Variants in PLCXD3 observed in about 807,000 individuals in gnomAD.
PLCXD3 encodes the protein PI-PLC X domain-containing protein 3.
Under a neutral mutation model 25.5 loss-of-function variants are expected in PLCXD3, and 19 were observed. That is an observed-to-expected ratio of 0.75 (90% CI 0.52 to 1.09). The LOEUF is 1.09. Among genes scored for constraint, PLCXD3 ranks in the 50% least tolerant of loss-of-function variants. The pLI is 0.00. For synonymous variants in PLCXD3, 174 were observed against 137.6 expected (o/e 1.26, Z -1.85); for missense variants, 411 against 388.1 (o/e 1.06, Z -0.50).
intron 1 of PLCXD3, among the ~76,000 whole-genome samples, chr5:41,480,754 C>G (rs1429180988): frequency 1.3e-5 from 2 of 151,946 alleles, no homozygotes; most frequent in African/African-American, 2.4e-5. Context: ...AACCCCGTCT[C>G]TACTAAAAAT....
intron 2 of PLCXD3, among the ~76,000 whole-genome samples, chr5:41,336,710 A>G (rs1743991734): frequency 6.6e-6 from 1 of 152,174 alleles, no homozygotes; most frequent in African/African-American, 2.4e-5. Context: ...TCTTTGGAAT[A>G]ACTTGCATGC....
intron 1 of PLCXD3, among the ~76,000 whole-genome samples, chr5:41,489,496 C>T (rs369601738): frequency 6.6e-6 from 1 of 152,048 alleles, no homozygotes; most frequent in African/African-American, 2.4e-5. Flanking sequence ...TGGGGATGGC[C>T]TTGAATCTGT....
At chr5:41,509,116 G>C (rs1738957780) in intron 1 of PLCXD3, among the ~76,000 whole-genome samples, 1 of 152,180 alleles carries the variant, frequency 6.6e-6, no homozygotes, top group South Asian at 2.1e-4. Context: ...AGCACTCTTG[G>C]TTGGAGCATC....
intron 2 of PLCXD3, among the ~76,000 whole-genome samples, chr5:41,330,342 C>T (rs1331993251): frequency 6.6e-6 from 1 of 152,140 alleles, no homozygotes; most frequent in Non-Finnish European, 1.5e-5. Context: ...ACTAGAAAAT[C>T]AAGAAGAAAT....
Position 41,381,736 on chromosome 5 carries a change from T to C in PLCXD3, c.812+90A>G. On this transcript the variant is annotated intron_variant, in intron 2 of 2. Transcript: ENST00000377801. ...TGCAGCCCCAGGGACCTAATATACA[T>C]AGGTATAATTTCAGCTTCATCACTT... 19 of 1,223,762 alleles carry C rather than the reference T, an allele frequency of 1.6e-5. No individual in the cohort carries two copies. In the South Asian group the frequency reaches 2.9e-4, roughly 19 times the overall value. 75.8% of individuals were successfully genotyped at this position (1,223,762 alleles called of 1,614,324 possible).
Position 41,448,034 on chromosome 5 carries a change from TCTCAGG to T in PLCXD3, c.103+62384_103+62389del, listed in dbSNP as rs544636151. Among the ~76,000 whole-genome samples the T allele has an allele frequency of 1.5e-4, 23 of 152,338 alleles. No individual in the cohort carries two copies. The South Asian group carries it at 4.8e-3, about 32-fold the overall frequency. ...AGAAGGAGGAAAGAGAGAAGCCTATTCTCAGGCTCTGGTGCAGCTGTAACTGAAAGC... is the reference window on the plus strand; with the variant it reads ...AGAAGGAGGAAAGAGAGAAGCCTATTCTCTGGTGCAGCTGTAACTGAAAGC... On this transcript the variant is annotated intron_variant, in intron 1 of 2. Coordinates refer to ENST00000377801, the MANE Select transcript of PLCXD3 (RefSeq NM_001005473.3).
intron 2 of PLCXD3, among the ~76,000 whole-genome samples, chr5:41,365,710 C>T (rs1405057531): frequency 1.3e-5 from 2 of 152,124 alleles, no homozygotes; most frequent in African/African-American, 4.8e-5. Context: ...AAAGTCATAC[C>T]ATAAATACCA....
At chr5:41,476,653 C>T (rs531652525) in intron 1 of PLCXD3, among the ~76,000 whole-genome samples, 66 of 152,228 alleles carry the variant, frequency 4.3e-4, no homozygotes, top group African/African-American at 1.5e-3. Context: ...TTTTTTCCCC[C>T]TGATTTTTCT....
intron 1 of PLCXD3, among the ~76,000 whole-genome samples, chr5:41,466,113 G>A (rs1748012938): frequency 6.6e-6 from 1 of 152,044 alleles, no homozygotes; most frequent in African/African-American, 2.4e-5. Context: ...CTCCTGAAGT[G>A]TTGTAGTCTC....
chr5:41,387,871 C>T (rs1038849322), intron 1 of PLCXD3, among the ~76,000 whole-genome samples: 1 of 152,014 alleles, frequency 6.6e-6, no homozygotes, highest in Non-Finnish European at 1.5e-5. Flanking sequence ...AATTATAATA[C>T]ATTTTGGTAA....
chr5:41,343,765 C>T (rs1424132112), intron 2 of PLCXD3, among the ~76,000 whole-genome samples: 7 of 152,050 alleles, frequency 4.6e-5, no homozygotes, highest in African/African-American at 9.7e-5. Flanking sequence ...TTAATGAAAA[C>T]GTGGTTTAAT....
rs1017587869 is a variant in PLCXD3 at position 41,313,881 on chromosome 5, G to T, written c.813-111C>A. The stretch of plus-strand genomic sequence containing the variant: ...TAGCTTATTAAAATAAATGTTTCAC[G>T]TATAGGTACAGGAAGGGGAAAAGGC... On this transcript the variant is annotated intron_variant, in intron 2 of 2. Coordinates refer to ENST00000377801, the MANE Select transcript of PLCXD3 (RefSeq NM_001005473.3). 8 of 1,293,630 alleles carry T rather than the reference G, an allele frequency of 6.2e-6. No homozygotes were observed. The African/African-American group carries it at 7.5e-5, about 12-fold the overall frequency. The allele number at this position is 1,293,630 out of a possible 1,614,324, so 80.1% of individuals were successfully genotyped here. A position where few individuals can be genotyped will look rare whatever the true frequency, so the allele number is the denominator to read the frequency against.
At chr5:41,358,157 T>C (rs558129581) in intron 2 of PLCXD3, among the ~76,000 whole-genome samples, 1 of 152,288 alleles carries the variant, frequency 6.6e-6, no homozygotes, top group South Asian at 2.1e-4. Context: ...AGTCTTGAGA[T>C]AGGTTGAATT....
In PLCXD3 at chr5:41,357,882, A is replaced by C. The variant is rs1744662586; in HGVS notation, c.812+23944T>G. 2.0e-5 allele frequency among the ~76,000 whole-genome samples: 3 copies of C among 152,224 alleles called. No individual in the cohort carries two copies. The South Asian group carries it at 6.2e-4, about 32-fold the overall frequency. ...GTGTACAAAATTGTTATATGTGCCCACATCTATTGAAAACTCCGAATCATC... is the reference window on the plus strand; with the variant it reads ...GTGTACAAAATTGTTATATGTGCCCCCATCTATTGAAAACTCCGAATCATC... On this transcript the variant is annotated intron_variant, in intron 2 of 2. Transcript: ENST00000377801.
intron 1 of PLCXD3, among the ~76,000 whole-genome samples, chr5:41,454,360 A>C (rs544057471): frequency 6.6e-6 from 1 of 152,118 alleles, no homozygotes; most frequent in African/African-American, 2.4e-5. Context: ...CTAAGATCTA[A>C]GTGCTGGCAG....
chr5:41,503,891 AGGCATCCTCACT>A (rs1265124063), intron 1 of PLCXD3, among the ~76,000 whole-genome samples: 3 of 152,154 alleles, frequency 2.0e-5, no homozygotes, highest in African/African-American at 7.2e-5. Context: ...TTTGGGCAAG[AGGCATCCTCACT>A]GGTGGTAATA....
intron 2 of PLCXD3, among the ~76,000 whole-genome samples, chr5:41,356,694 T>C (rs988372733): frequency 1.3e-5 from 2 of 152,212 alleles, no homozygotes; most frequent in African/African-American, 4.8e-5. Flanking sequence ...TTGCCATTAA[T>C]ATTTACTGAA....
chr5:41,478,754 A>G (rs1748333427), intron 1 of PLCXD3, among the ~76,000 whole-genome samples: 1 of 152,184 alleles, frequency 6.6e-6, no homozygotes, highest in Admixed American at 6.5e-5. Context: ...GTAATTTATG[A>G]AGAAAAGAGA....
intron 1 of PLCXD3, among the ~76,000 whole-genome samples, chr5:41,404,746 T>TCTCCGG (rs1209582840): frequency 3.3e-5 from 5 of 152,176 alleles, no homozygotes; most frequent in African/African-American, 1.2e-4. Flanking sequence ...GGTCTCTCAG[T>TCTCCGG]TTAGCCATAA....
Sources: gnomAD v4.1 joint callset for allele counts (sites outside exome capture counted in the v4.1 genomes callset) on GRCh38, gnomAD v4.1.1 for gene constraint, MANE v1.5 for transcripts, NCBI Gene and HGNC (gene_info 2026-07-23, HGNC 2026-07-21) for gene names.